Variants in METAP1D observed in about 807,000 individuals in gnomAD.
The protein encoded by METAP1D is methionyl aminopeptidase type 1D, mitochondrial.
Under a neutral mutation model 40.5 loss-of-function variants are expected in METAP1D, and 31 were observed. The ratio of observed to expected loss-of-function variants is 0.77; its 90% confidence interval spans 0.58 to 1.03. The LOEUF (loss-of-function observed/expected upper bound fraction) is 1.03, where lower values mean the gene tolerates loss of function less well. Ranked by LOEUF, METAP1D falls within the 50% of genes least tolerant of loss-of-function variation. METAP1D has a pLI of 0.00. For synonymous variants in METAP1D, 151 were observed against 146.4 expected (o/e 1.03, Z -0.22); for missense variants, 411 against 420.7 (o/e 0.98, Z 0.20).
intron 1 of METAP1D, among the ~76,000 whole-genome samples, chr2:172,045,861 A>ATG (rs1689752433): frequency 8.4e-6 from 1 of 118,504 alleles, no homozygotes; most frequent in Non-Finnish European, 1.7e-5. Context: ...ATATATATAT[A>ATG]TATGACGGAA....
intron 1 of METAP1D, among the ~76,000 whole-genome samples, chr2:172,060,463 A>G (rs1373534578): frequency 2.0e-5 from 3 of 151,916 alleles, no homozygotes; most frequent in Non-Finnish European, 4.4e-5. Context: ...TCTAGCCCCA[A>G]CCACAAGCCA....
chr2:172,056,332 C>T (rs1690001542), intron 1 of METAP1D, among the ~76,000 whole-genome samples: 1 of 152,238 alleles, frequency 6.6e-6, no homozygotes, highest in African/African-American at 2.4e-5. Context: ...CCAGTAAGCT[C>T]TTGGTCAGTC....
intron 1 of METAP1D, among the ~76,000 whole-genome samples, chr2:172,040,941 G>A (rs1373140494): frequency 6.6e-6 from 1 of 151,442 alleles, no homozygotes; most frequent in African/African-American, 2.4e-5. Context: ...GAGACGCCCG[G>A]CTAACTTGTG....
intron 1 of METAP1D, among the ~76,000 whole-genome samples, chr2:172,017,384 T>G (rs528085988): frequency 5.3e-5 from 8 of 149,970 alleles, no homozygotes; most frequent in South Asian, 4.2e-4. Flanking sequence ...TGTATATATA[T>G]GTATATATGT....
In METAP1D at chr2:172,042,214, T is replaced by C. The variant is rs200063926; in HGVS notation, c.41-19284T>C. Among the ~76,000 whole-genome samples, 761 of 20,412 alleles carry C rather than the reference T, an allele frequency of 0.037. 282 individuals carry two copies. The East Asian group carries it at 0.8, about 21-fold the overall frequency. The allele number at this position is 20,412 out of a possible 152,430, so 13.4% of individuals were successfully genotyped here. Reference sequence around the variant, plus strand: ...ATGTGTACACATATACATATGTATGTGTACATGTGTACACATATACATATG... The same window carrying C: ...ATGTGTACACATATACATATGTATGCGTACATGTGTACACATATACATATG... On this transcript the variant is annotated intron_variant, in intron 1 of 9. Coordinates refer to ENST00000315796, the MANE Select transcript of METAP1D (RefSeq NM_199227.3).
intron 1 of METAP1D, among the ~76,000 whole-genome samples, chr2:172,049,073 C>T (rs1460553315): frequency 1.3e-5 from 2 of 152,154 alleles, no homozygotes; most frequent in Non-Finnish European, 2.9e-5. Context: ...CAACCTCTGC[C>T]TCCTGGGCTC....
chr2:172,028,268 G>A (rs1689164815), intron 1 of METAP1D, among the ~76,000 whole-genome samples: 1 of 152,182 alleles, frequency 6.6e-6, no homozygotes, highest in Non-Finnish European at 1.5e-5. Flanking sequence ...CTTGGTGAAA[G>A]AGCAAATGCA....
At chr2:172,035,898 T>TC (rs1232504953) in intron 1 of METAP1D, among the ~76,000 whole-genome samples, 1 of 152,070 alleles carries the variant, frequency 6.6e-6, no homozygotes, top group African/African-American at 2.4e-5. Flanking sequence ...TCCTCCCACC[T>TC]CTGTCTCCCA....
At chr2:172,075,509 A>T (rs1690519665) in intron 6 of METAP1D, among the ~76,000 whole-genome samples, 1 of 152,190 alleles carries the variant, frequency 6.6e-6, no homozygotes, top group African/African-American at 2.4e-5. Context: ...CCAACTCCCC[A>T]TGCCACAGTT....
intron 1 of METAP1D, among the ~76,000 whole-genome samples, chr2:172,049,236 T>C (rs10203462): frequency 0.066 from 9,993 of 152,098 alleles, 846 homozygotes; most frequent in East Asian, 0.46. Flanking sequence ...TCACAGGCCT[T>C]AGTCTCCCAA....
rs138527224 is a variant in METAP1D, at chr2:172,041,375, C to T, written c.41-20123C>T. Reference sequence around the variant, plus strand: ...GTGGGAGGCTGAGGCATAAGAATCGCTTGAATCCAGGAGGCGGAGGTTTCA... The same window carrying T: ...GTGGGAGGCTGAGGCATAAGAATCGTTTGAATCCAGGAGGCGGAGGTTTCA... On this transcript the variant is annotated intron_variant, in intron 1 of 9. Coordinates refer to ENST00000315796, the MANE Select transcript of METAP1D (RefSeq NM_199227.3). Among the ~76,000 whole-genome samples the T allele has an allele frequency of 3.9e-4, 50 of 128,306 alleles. 6 individuals are homozygous for T. The highest frequency in any genetic ancestry group is 1.1e-3 in the African/African-American group (43 of 38,558). 84.2% of individuals were successfully genotyped at this position (128,306 alleles called of 152,430 possible). A position where few individuals can be genotyped will look rare whatever the true frequency, so the allele number is the denominator to read the frequency against.
At chr2:172,070,289 G>A (rs182625915) in intron 5 of METAP1D, among the ~76,000 whole-genome samples, 57 of 152,086 alleles carry the variant, frequency 3.7e-4, no homozygotes, top group Non-Finnish European at 7.2e-4. Flanking sequence ...GTTAACGTTC[G>A]GCTGTCTGGA....
intron 6 of METAP1D, among the ~76,000 whole-genome samples, chr2:172,074,341 AT>A (rs1690495955): frequency 6.6e-6 from 1 of 152,210 alleles, no homozygotes; most frequent in Non-Finnish European, 1.5e-5. Flanking sequence ...TTTTTAAAAA[AT>A]AATCTCTTTC....
At chr2:172,063,241 G>A (rs536113355) in intron 2 of METAP1D, among the ~76,000 whole-genome samples, 137 of 152,316 alleles carry the variant, frequency 9.0e-4, no homozygotes, top group African/African-American at 3.2e-3. Context: ...TAGGGAACTT[G>A]ATAGTCAGCC....
rs568440261 is a variant in METAP1D at position 172,029,392 on chromosome 2, C to T, written c.40+29383C>T. Among the ~76,000 whole-genome samples, 201 of 152,276 alleles carry T rather than the reference C, an allele frequency of 1.3e-3. 2 individuals are homozygous for T. Among genetic ancestry groups the T allele is most frequent in the East Asian group, 0.01 (54 of 5,192 alleles). On this transcript the variant is annotated intron_variant, in intron 1 of 9. Coordinates refer to ENST00000315796, the MANE Select transcript of METAP1D (RefSeq NM_199227.3). ...AAGCTGAGATCACACCACTGCACTC[C>T]AGCATAAGGGATAGAGCCAAACCTT...
chr2:172,045,411 A>G (rs1689714084), intron 1 of METAP1D, among the ~76,000 whole-genome samples: 1 of 132,534 alleles, frequency 7.5e-6, no homozygotes, highest in African/African-American at 2.5e-5. Context: ...CTGTAATCCC[A>G]GCACTTTGAG....
At chr2:172,033,268 G>A (rs116169381) in intron 1 of METAP1D, among the ~76,000 whole-genome samples, 1,935 of 151,908 alleles carry the variant, frequency 0.013, 56 homozygotes, top group African/African-American at 0.044. Flanking sequence ...AAGAAAAAAG[G>A]GAGGAATTCA....
chr2:172,014,225 C>G (rs1439612579), intron 1 of METAP1D, among the ~76,000 whole-genome samples: 1 of 152,052 alleles, frequency 6.6e-6, no homozygotes, highest in Non-Finnish European at 1.5e-5. Flanking sequence ...ATTCTCCTGC[C>G]TCAGCCTTCC....
At chr2:172,033,328 G>A (rs1689284352) in intron 1 of METAP1D, among the ~76,000 whole-genome samples, 2 of 151,874 alleles carry the variant, frequency 1.3e-5, no homozygotes, top group Non-Finnish European at 2.9e-5. Flanking sequence ...GACCTTATTT[G>A]GCTCCTATTT....
Sources: gnomAD v4.1 joint callset for allele counts (sites outside exome capture counted in the v4.1 genomes callset) on GRCh38, gnomAD v4.1.1 for gene constraint, MANE v1.5 for transcripts, NCBI Gene and HGNC (gene_info 2026-07-23, HGNC 2026-07-21) for gene names.